GAREM1: variants seen among roughly 807,000 people sequenced by gnomAD.
GAREM1 encodes GRB2-associated and regulator of MAPK protein 1.
Under a neutral mutation model 71.3 loss-of-function variants are expected in GAREM1, and 26 were observed. The observed-to-expected ratio is 0.36, with a 90% confidence interval of 0.27 to 0.51. GAREM1 has a LOEUF of 0.51. Ranked by LOEUF, GAREM1 falls within the 20% of genes least tolerant of loss-of-function variation. The pLI is 0.95. For missense variants in GAREM1, 1,026 were observed against 1,103.1 expected (o/e 0.93, Z 0.99); for synonymous variants, 440 against 433.2 (o/e 1.02, Z -0.20).
chr18:32,333,794 T>C (rs536375325), intron 2 of GAREM1, among the ~76,000 whole-genome samples: 108 of 152,302 alleles, frequency 7.1e-4, no homozygotes, highest in African/African-American at 2.6e-3. Flanking sequence ...TTTTTTTTCC[T>C]CCTCAGTTTT....
At chr18:32,316,175 A>C (rs2047376300) in intron 2 of GAREM1, among the ~76,000 whole-genome samples, 1 of 152,220 alleles carries the variant, frequency 6.6e-6, no homozygotes, top group African/African-American at 2.4e-5. Context: ...AATGATTAAC[A>C]CACACAGATA....
At chr18:32,317,116 G>A (rs147593776) in intron 2 of GAREM1, among the ~76,000 whole-genome samples, 454 of 152,214 alleles carry the variant, frequency 3.0e-3, no homozygotes, top group Non-Finnish European at 5.1e-3. Context: ...CATTAGAAGT[G>A]AGAATGGGCC....
At chr18:32,279,487 G>A (rs1381930286) in intron 4 of GAREM1, among the ~76,000 whole-genome samples, 1 of 152,146 alleles carries the variant, frequency 6.6e-6, no homozygotes, top group Non-Finnish European at 1.5e-5. Context: ...GAGAATCTAG[G>A]TTGCGTATTC....
At chr18:32,465,045 C>A (rs1482836126) in intron 1 of GAREM1, among the ~76,000 whole-genome samples, 1 of 152,170 alleles carries the variant, frequency 6.6e-6, no homozygotes, top group Admixed American at 6.5e-5. Flanking sequence ...CAAGACCTGA[C>A]CAAGATCACA....
intron 1 of GAREM1, among the ~76,000 whole-genome samples, chr18:32,420,885 T>G (rs2048513982): frequency 6.6e-6 from 1 of 152,146 alleles, no homozygotes; most frequent in African/African-American, 2.4e-5. Context: ...CCAACAATCT[T>G]GCGGCACCTC....
intron 1 of GAREM1, among the ~76,000 whole-genome samples, chr18:32,430,881 G>A (rs2048617829): frequency 6.6e-6 from 1 of 152,244 alleles, no homozygotes; most frequent in Non-Finnish European, 1.5e-5. Flanking sequence ...GTGCAGGGCA[G>A]AGAGGAAAAG....
intron 1 of GAREM1, among the ~76,000 whole-genome samples, chr18:32,467,758 T>C (rs2049012266): frequency 6.6e-6 from 1 of 152,228 alleles, no homozygotes; most frequent in African/African-American, 2.4e-5. Context: ...CTTTCATGTC[T>C]AAGTATAGGG....
chr18:32,356,666 T>C (rs1443616870), intron 2 of GAREM1, among the ~76,000 whole-genome samples: 1 of 152,304 alleles, frequency 6.6e-6, no homozygotes, highest in East Asian at 1.9e-4. Flanking sequence ...CCCTATGACA[T>C]ATGGTATTAT....
intron 2 of GAREM1, among the ~76,000 whole-genome samples, chr18:32,354,575 C>T (rs903016037): frequency 3.3e-5 from 5 of 152,174 alleles, no homozygotes; most frequent in African/African-American, 7.2e-5. Context: ...CTACAATCCC[C>T]CTCTCTAAAA....
intron 1 of GAREM1, among the ~76,000 whole-genome samples, chr18:32,447,063 G>C (rs2048792003): frequency 6.6e-6 from 1 of 152,168 alleles, no homozygotes; most frequent in Non-Finnish European, 1.5e-5. Context: ...ATGCAACTTT[G>C]CTGCTTTTAA....
intron 1 of GAREM1, among the ~76,000 whole-genome samples, chr18:32,398,652 C>A (rs1309061467): frequency 1.3e-5 from 2 of 152,168 alleles, no homozygotes; most frequent in South Asian, 2.1e-4. Context: ...CAATAACAGG[C>A]TCTGAAATTG....
chr18:32,369,272 C>T (rs2047954537), intron 2 of GAREM1, among the ~76,000 whole-genome samples: 1 of 152,170 alleles, frequency 6.6e-6, no homozygotes, highest in African/African-American at 2.4e-5. Context: ...TTCATGTCGG[C>T]ATATGTCAAA....
At chr18:32,421,171 A>G (rs1360583722) in intron 1 of GAREM1, among the ~76,000 whole-genome samples, 1 of 152,232 alleles carries the variant, frequency 6.6e-6, no homozygotes, top group Non-Finnish European at 1.5e-5. Context: ...TTCCCTCATC[A>G]GTAAAATGCA....
rs1567940381 is a variant in GAREM1 at position 32,268,181 on chromosome 18, T to C, written c.2321A>G (p.Gln774Arg). The change falls in exon 6 of 6, where the codon CAG becomes CGG. Residue 774 changes from glutamine (Q) to arginine (R), a missense_variant. Gln to Arg is a conservative substitution (Grantham distance 43). This residue lies in a region of GAREM1 where 636 missense variants were observed against 631.2 expected (regional missense o/e 1.01). Coordinates refer to ENST00000269209, the MANE Select transcript of GAREM1 (RefSeq NM_001242409.2). ...AGGGTAGGAGGCAGAGAAGATGTCCTGCATGCCCTTTTTAACAAAATACTG... is the reference window on the plus strand; with the variant it reads ...AGGGTAGGAGGCAGAGAAGATGTCCCGCATGCCCTTTTTAACAAAATACTG... ...EDQYFVKKGM[Q>R]DIFSASYPFS... 2 of 1,614,156 alleles carry C rather than the reference T, an allele frequency of 1.2e-6. No individual in the cohort carries two copies. The highest frequency in any genetic ancestry group is 1.7e-6 in the Non-Finnish European group (2 of 1,180,028).
chr18:32,320,100 T>C (rs1183013806), intron 2 of GAREM1, among the ~76,000 whole-genome samples: 1 of 152,208 alleles, frequency 6.6e-6, no homozygotes, highest in East Asian at 1.9e-4. Context: ...AAGAGGTCTG[T>C]GTCCACTTAC....
intron 2 of GAREM1, among the ~76,000 whole-genome samples, chr18:32,352,184 T>C (rs1438292053): frequency 6.6e-6 from 1 of 152,166 alleles, no homozygotes; most frequent in African/African-American, 2.4e-5. Context: ...AGTTCATTTA[T>C]TAGTCAGTTC....
chr18:32,447,246 A>C (rs1195741347), intron 1 of GAREM1, among the ~76,000 whole-genome samples: 4 of 150,362 alleles, frequency 2.7e-5, no homozygotes, highest in African/African-American at 9.8e-5. Flanking sequence ...TCTGAATAAA[A>C]TATTACCAAA....
chr18:32,363,557 G>T (rs954057080), intron 2 of GAREM1, among the ~76,000 whole-genome samples: 3 of 152,058 alleles, frequency 2.0e-5, no homozygotes, highest in Non-Finnish European at 4.4e-5. Context: ...GGGCACTGAA[G>T]GCTTAGGTCT....
chr18:32,463,673 G>C (rs137887969), intron 1 of GAREM1, among the ~76,000 whole-genome samples: 2,503 of 150,776 alleles, frequency 0.017, 52 homozygotes, highest in Non-Finnish European at 0.017. Flanking sequence ...GGGTTCAAGC[G>C]GTTCTTCTGC....
Sources: gnomAD v4.1 joint callset for allele counts (sites outside exome capture counted in the v4.1 genomes callset) on GRCh38, gnomAD v4.1.1 for gene constraint, gnomAD v4.1.1 regional missense constraint, MANE v1.5 for transcripts, NCBI Gene and HGNC (gene_info 2026-07-23, HGNC 2026-07-21) for gene names.